Variants in FAM83B observed in about 807,000 individuals in gnomAD.
FAM83B encodes protein FAM83B.
Under a neutral mutation model 38.8 loss-of-function variants are expected in FAM83B, and 26 were observed. The ratio of observed to expected loss-of-function variants is 0.67; its 90% CI spans 0.49 to 0.93. The LOEUF (loss-of-function observed/expected upper bound fraction) is 0.93, where lower values mean the gene tolerates loss of function less well. Ranked by LOEUF, FAM83B falls within the 40% of genes least tolerant of loss-of-function variation. FAM83B has a pLI of 0.00. For missense variants in FAM83B, 1,237 were observed against 1,197.3 expected (o/e 1.03, Z -0.49); for synonymous variants, 419 against 423.1 (o/e 0.99, Z 0.12).
At chr6:54,926,846 C>T (rs1349325593) in intron 3 of FAM83B, among the ~76,000 whole-genome samples, 2 of 152,060 alleles carry the variant, frequency 1.3e-5, no homozygotes, top group Non-Finnish European at 2.9e-5. Flanking sequence ...ATTCTCCTGC[C>T]TCAGCCTCTC....
chr6:54,879,898 T>A (rs1301072912), intron 2 of FAM83B, among the ~76,000 whole-genome samples: 1 of 152,212 alleles, frequency 6.6e-6, no homozygotes, highest in African/African-American at 2.4e-5. Flanking sequence ...ACAAAATGTC[T>A]TTTCAAGGGG....
intron 2 of FAM83B, among the ~76,000 whole-genome samples, chr6:54,925,034 A>T (rs1024557256): frequency 2.6e-5 from 4 of 152,200 alleles, no homozygotes; most frequent in African/African-American, 9.6e-5. Context: ...AGACATTGTG[A>T]TAACTCTCCC....
At chr6:54,853,421 G>A (rs1042362445) in intron 1 of FAM83B, among the ~76,000 whole-genome samples, 4 of 152,146 alleles carry the variant, frequency 2.6e-5, no homozygotes, top group African/African-American at 9.7e-5. Context: ...AAGCTTCAAA[G>A]GATAGGCTGA....
chr6:54,940,893 C>G lies in FAM83B; in HGVS notation c.1922C>G (p.Thr641Ser). Residue 641 changes from threonine to serine, a missense_variant, in exon 5 of 5, where the codon ACC becomes AGC. Physicochemically the swap from Thr to Ser is moderately conservative, Grantham distance 58. Coordinates refer to ENST00000306858, the MANE Select transcript of FAM83B (RefSeq NM_001010872.3). ...HTESNNYIYK[T>S]LGVNKQTENL... ...GAATCAAATAACTATATATATAAAA[C>G]CTTGGGTGTAAATAAGCAGACAGAA... is the stretch of plus-strand genomic sequence containing the variant. 1.2e-6 allele frequency: 2 copies of G among 1,613,694 alleles called. No individual in the cohort carries two copies. The highest frequency in any genetic ancestry group is 2.7e-5 in the African/African-American group (2 of 75,000).
intron 4 of FAM83B, among the ~76,000 whole-genome samples, chr6:54,933,969 G>A (rs1432162480): frequency 6.6e-6 from 1 of 152,088 alleles, no homozygotes; most frequent in Non-Finnish European, 1.5e-5. Context: ...GGAGGAATAG[G>A]AATGAGCTGG....
At chr6:54,928,068 A>G (rs1231146118) in intron 4 of FAM83B, among the ~76,000 whole-genome samples, 1 of 152,222 alleles carries the variant, frequency 6.6e-6, no homozygotes, top group Non-Finnish European at 1.5e-5. Flanking sequence ...TCAAAGCAGA[A>G]CTGGCAACCC....
chr6:54,882,004 A>G (rs568804573), intron 2 of FAM83B, among the ~76,000 whole-genome samples: 1 of 152,286 alleles, frequency 6.6e-6, no homozygotes, highest in Admixed American at 6.5e-5. Context: ...ATGAGTGAGA[A>G]CATGCGGTGT....
chr6:54,896,773 A>C (rs1772547365), intron 2 of FAM83B, among the ~76,000 whole-genome samples: 1 of 152,230 alleles, frequency 6.6e-6, no homozygotes, highest in Admixed American at 6.5e-5. Flanking sequence ...TATATTTAAT[A>C]GTATTTTCCA....
At chr6:54,897,512 G>A (rs561686993) in intron 2 of FAM83B, among the ~76,000 whole-genome samples, 1 of 152,088 alleles carries the variant, frequency 6.6e-6, no homozygotes, top group Admixed American at 6.5e-5. Context: ...CCTAATAACA[G>A]TTTCCATCTG....
intron 1 of FAM83B, among the ~76,000 whole-genome samples, chr6:54,855,340 A>T (rs1771423677): frequency 6.6e-6 from 1 of 152,218 alleles, no homozygotes; most frequent in South Asian, 2.1e-4. Flanking sequence ...ATATAATTGA[A>T]AATTACAGCA....
At chr6:54,865,009 A>G (rs148444076) in intron 1 of FAM83B, among the ~76,000 whole-genome samples, 1 of 152,362 alleles carries the variant, frequency 6.6e-6, no homozygotes, top group East Asian at 1.9e-4. Context: ...GCAAAAACCA[A>G]TCATTTCTAA....
At chr6:54,926,571 ATG>A (rs1397976732) in intron 3 of FAM83B, 36 bp downstream of exon 3, 1 of 1,474,346 alleles carries the variant, frequency 6.8e-7, no homozygotes, top group Non-Finnish European at 9.1e-7. Context: ...CAAGTATTTT[ATG>A]TGTCATTTTC....
At chr6:54,865,091 C>T (rs185184576) in intron 1 of FAM83B, among the ~76,000 whole-genome samples, 15 of 152,160 alleles carry the variant, frequency 9.9e-5, no homozygotes, top group Admixed American at 5.9e-4. Flanking sequence ...CATTTTTGTA[C>T]GCATTTGTAT....
At chr6:54,887,359 G>T (rs926622442) in intron 2 of FAM83B, among the ~76,000 whole-genome samples, 3 of 152,156 alleles carry the variant, frequency 2.0e-5, no homozygotes, top group Non-Finnish European at 2.9e-5. Flanking sequence ...AGGATTGACT[G>T]CAGGACTTGA....
At chr6:54,910,538 A>G (rs1464581358) in intron 2 of FAM83B, among the ~76,000 whole-genome samples, 1 of 152,158 alleles carries the variant, frequency 6.6e-6, no homozygotes, top group Non-Finnish European at 1.5e-5. Context: ...AGGAAGTGCC[A>G]GCAGGAGAGT....
At chr6:54,874,678 A>G (rs908178034) in intron 2 of FAM83B, among the ~76,000 whole-genome samples, 9 of 152,248 alleles carry the variant, frequency 5.9e-5, no homozygotes, top group Non-Finnish European at 8.8e-5. Context: ...GAGAGTCTTG[A>G]ATATCTGAAT....
intron 2 of FAM83B, among the ~76,000 whole-genome samples, chr6:54,882,548 G>C (rs1772156832): frequency 6.6e-6 from 1 of 152,140 alleles, no homozygotes; most frequent in East Asian, 1.9e-4. Context: ...ACCTCTGATA[G>C]ACCACTCCAG....
chr6:54,852,995 G>T (rs1051017692), intron 1 of FAM83B, among the ~76,000 whole-genome samples: 1 of 151,738 alleles, frequency 6.6e-6, no homozygotes, highest in African/African-American at 2.4e-5. Context: ...TTTATGCGTA[G>T]CCCAAGACAA....
At chr6:54,894,405 C>G (rs761014434) in intron 2 of FAM83B, among the ~76,000 whole-genome samples, 12 of 152,034 alleles carry the variant, frequency 7.9e-5, no homozygotes, top group Non-Finnish European at 1.5e-4. Flanking sequence ...ATGATAGTCT[C>G]ATAGGTAAAT....
Sources: allele counts gnomAD v4.1 joint callset (sites outside exome capture counted in the v4.1 genomes callset), GRCh38; gene constraint gnomAD v4.1.1; transcripts MANE v1.5; gene names NCBI Gene and HGNC (gene_info 2026-07-23, HGNC 2026-07-21).